The following ALG12 variants were observed in gnomAD, a reference collection of about 807,000 sequenced individuals.
ALG12 encodes the protein dol-P-Man:Man(7)GlcNAc(2)-PP-Dol alpha-1,6-mannosyltransferase.
Under a neutral mutation model 46.0 loss-of-function variants are expected in ALG12, and 36 were observed. The observed-to-expected ratio is 0.78, with a 90% CI of 0.60 to 1.03. The LOEUF (loss-of-function observed/expected upper bound fraction) is 1.03, where lower values mean the gene tolerates loss of function less well. Ranked by LOEUF, ALG12 falls within the 50% of genes least tolerant of loss-of-function variation. The pLI is 0.00. For missense variants in ALG12, 599 were observed against 633.5 expected (o/e 0.95, Z 0.58); for synonymous variants, 326 against 291.6 (o/e 1.12, Z -1.20).
chr22:49,884,853 G>A, the ALG12 span: 1 of 1,610,488 alleles, frequency 6.2e-7, no homozygotes, highest in South Asian at 1.1e-5. Context: ...CTGAGGACTT[G>A]CAGTCTCACT....
chr22:49,905,022 G>A lies in ALG12; in HGVS notation c.993-516C>T, dbSNP rs997541586. ...CAAAGTGCTGAGATTACAGGCATGA[G>A]CCACTGCGCCCAGCCTAAAAATATA... On this transcript the variant is annotated intron_variant, in intron 7 of 9. Coordinates refer to ENST00000330817, the MANE Select transcript of ALG12 (RefSeq NM_024105.4). The surrounding 1 kb of genome is among the most constrained non-coding windows in gnomAD (Gnocchi z 4.9). Among the ~76,000 whole-genome samples, 1 of 152,134 alleles carries A rather than the reference G, an allele frequency of 6.6e-6. No individual in the cohort carries two copies. Among genetic ancestry groups the A allele is most frequent in the African/African-American group, 2.4e-5 (1 of 41,440 alleles).
At chr22:49,884,996 C>T in the ALG12 span, 4 of 1,613,194 alleles carry the variant, frequency 2.5e-6, no homozygotes, top group African/African-American at 5.3e-5. Flanking sequence ...GAATCTGGCG[C>T]CATCTTCCAG....
chr22:49,867,033 G>T, the ALG12 span, among the ~76,000 whole-genome samples: 1 of 152,152 alleles, frequency 6.6e-6, no homozygotes, highest in Admixed American at 6.5e-5. Flanking sequence ...TCTAACACAG[G>T]TATGTAGAGC....
chr22:49,911,469 C>T (rs1156340849), intron 3 of ALG12, among the ~76,000 whole-genome samples: 1 of 151,836 alleles, frequency 6.6e-6, no homozygotes, highest in East Asian at 1.9e-4. Flanking sequence ...GAGTTTCCCT[C>T]TGTTGCTCAG....
At chr22:49,871,465 AGAGT>A in the ALG12 span, among the ~76,000 whole-genome samples, 30 of 152,186 alleles carry the variant, frequency 2.0e-4, no homozygotes, top group African/African-American at 7.0e-4. Context: ...CCTGGGCGAC[AGAGT>A]GAGACTCTGT....
the ALG12 span, chr22:49,886,654 C>T: frequency 3.1e-6 from 5 of 1,603,246 alleles, no homozygotes; most frequent in Admixed American, 6.9e-5. This position sits in a 1 kb window ranked among gnomAD's most constrained non-coding sequence, Gnocchi z 7.7. Context: ...TGCCACCCTC[C>T]ACGACCCGCG....
Position 49,904,381 on chromosome 22 carries a change from C to A in ALG12, c.1118G>T (p.Gly373Val), listed in dbSNP as rs2060531730. ...CTGGTGCAGCCTCTGCATTGCGACG[C>A]CACCTGGGTAGTTGAAATGGGACAC... ...LYVSHFNYPG[G>V]VAMQRLHQLV... The change falls in exon 8 of 10, where the codon GGC becomes GTC. Residue 373 changes from glycine to valine, a missense_variant. By Grantham distance (109) the Gly-to-Val change is moderately radical. Coordinates refer to ENST00000330817, the MANE Select transcript of ALG12 (RefSeq NM_024105.4). 6.2e-7 allele frequency: 1 copy of A among 1,614,196 alleles called. No homozygotes were observed. Among genetic ancestry groups the A allele is most frequent in the Non-Finnish European group, 8.5e-7 (1 of 1,180,032 alleles).
At chr22:49,875,477 G>T in the ALG12 span, among the ~76,000 whole-genome samples, 19 of 149,230 alleles carry the variant, frequency 1.3e-4, no homozygotes, top group Non-Finnish European at 1.6e-4. Context: ...CTGGAGTACA[G>T]TGGCGCCATC....
the ALG12 span, among the ~76,000 whole-genome samples, chr22:49,864,732 G>T: frequency 6.9e-6 from 1 of 145,942 alleles, no homozygotes; most frequent in Non-Finnish European, 1.5e-5. Flanking sequence ...GAGGCGGGAG[G>T]ATTGCTTGGG....
the ALG12 span, among the ~76,000 whole-genome samples, chr22:49,872,882 A>G: frequency 7.9e-5 from 12 of 152,192 alleles, no homozygotes; most frequent in Middle Eastern, 3.4e-3. Flanking sequence ...TATTTTTAGT[A>G]GAGACAGGTT....
chr22:49,915,191 T>C (rs1001373121), intron 1 of ALG12, among the ~76,000 whole-genome samples: 5 of 152,210 alleles, frequency 3.3e-5, no homozygotes, highest in African/African-American at 9.7e-5. Context: ...TGAAATGGTA[T>C]GCAGTTCTCT....
the ALG12 span, chr22:49,883,920 G>A: frequency 6.2e-7 from 1 of 1,610,534 alleles, no homozygotes; most frequent in Non-Finnish European, 8.5e-7. Flanking sequence ...ATGGCGCGCT[G>A]TTCTCCCAGT....
chr22:49,917,595 A>G (rs1212474270), intron 1 of ALG12, among the ~76,000 whole-genome samples: 1 of 152,156 alleles, frequency 6.6e-6, no homozygotes, highest in African/African-American at 2.4e-5. Flanking sequence ...AGGAACCTGG[A>G]AGGCGGAGCT....
intron 1 of ALG12, among the ~76,000 whole-genome samples, chr22:49,916,089 C>T (rs1050480221): frequency 6.6e-6 from 1 of 151,144 alleles, no homozygotes; most frequent in Admixed American, 6.6e-5. Flanking sequence ...AAAACCCCGT[C>T]TCTACTAAAA....
chr22:49,895,664 A>G (rs929614251), downstream of ALG12, among the ~76,000 whole-genome samples: 1 of 152,148 alleles, frequency 6.6e-6, no homozygotes, highest in Non-Finnish European at 1.5e-5. Context: ...AAATAAAAAA[A>G]AAAAAAAAGT....
downstream of ALG12, among the ~76,000 whole-genome samples, chr22:49,898,400 T>G (rs2060492067): frequency 6.6e-6 from 1 of 151,976 alleles, no homozygotes; most frequent in Non-Finnish European, 1.5e-5. Context: ...TTTTTTTCTT[T>G]TTTTTTTTGA....
At chr22:49,881,671 C>T in the ALG12 span, among the ~76,000 whole-genome samples, 1 of 152,116 alleles carries the variant, frequency 6.6e-6, no homozygotes, top group Non-Finnish European at 1.5e-5. Context: ...ACAGGCTCAC[C>T]ATACTTGGCA....
chr22:49,873,525 G>C, the ALG12 span, among the ~76,000 whole-genome samples: 2 of 152,200 alleles, frequency 1.3e-5, no homozygotes, highest in African/African-American at 4.8e-5. Flanking sequence ...TAATGGAAAA[G>C]TGTGAAATAT....
Position 49,909,277 on chromosome 22 carries a change from G to T in ALG12, c.735C>A (p.Tyr245Ter), listed in dbSNP as rs1443582519. ...TGGAGCTTTTGTTCAGGACAGTGTT[G>T]TACCAAAGCACCTTTCCTTCCGGCC... ...LTWPEGKVLW[Y>*]NTVLNKSSNW... The change falls in exon 6 of 10, where the codon TAC (tyrosine) becomes TAA (stop). Residue 245 changes from tyrosine to a stop codon, truncating the protein, a stop_gained. Transcript: ENST00000330817. LOFTEE classifies it high-confidence loss of function. The T allele has an allele frequency of 6.2e-7, 1 of 1,614,236 alleles. No individual in the cohort carries two copies. Among genetic ancestry groups the T allele is most frequent in the Non-Finnish European group, 8.5e-7 (1 of 1,180,042 alleles).
Sources: gnomAD v4.1 joint callset for allele counts (sites outside exome capture counted in the v4.1 genomes callset) on GRCh38, gnomAD v4.1.1 for gene constraint, Gnocchi (gnomAD v3.1) non-coding constraint, MANE v1.5 for transcripts, NCBI Gene and HGNC (gene_info 2026-07-23, HGNC 2026-07-21) for gene names.